Variants in SCN2A observed in about 807,000 individuals in gnomAD.
SCN2A encodes sodium voltage-gated channel alpha subunit 2.
Under a neutral mutation model 188.7 loss-of-function variants are expected in SCN2A, and 20 were observed. The observed-to-expected ratio is 0.11, with a 90% CI of 0.07 to 0.15. The LOEUF (loss-of-function observed/expected upper bound fraction) is 0.15. Among genes scored for constraint, SCN2A ranks in the 10% least tolerant of loss-of-function variants. The pLI is 1.00. For missense variants in SCN2A, 1,278 were observed against 2,445.0 expected (o/e 0.52, Z 10.07); for synonymous variants, 804 against 833.1 (o/e 0.97, Z 0.60).
chr2:165,293,089 C>T (rs1265862895), intron 1 of SCN2A, among the ~76,000 whole-genome samples: 1 of 152,136 alleles, frequency 6.6e-6, no homozygotes, highest in Non-Finnish European at 1.5e-5. Flanking sequence ...GTGGCACAGG[C>T]CATCTCTTTA....
At chr2:165,287,472 C>T (rs886112255) in intron 1 of SCN2A, among the ~76,000 whole-genome samples, 2 of 151,852 alleles carry the variant, frequency 1.3e-5, no homozygotes, top group African/African-American at 4.8e-5. Context: ...TCACCCAATT[C>T]CTGAGAACTT....
At chr2:165,305,549 C>T (rs532683632) in intron 3 of SCN2A, among the ~76,000 whole-genome samples, 70 of 152,200 alleles carry the variant, frequency 4.6e-4, no homozygotes, top group African/African-American at 1.6e-3. Context: ...TCAAAGAATA[C>T]AGAGAAATTG....
intron 1 of SCN2A, among the ~76,000 whole-genome samples, chr2:165,291,491 T>TTTCTTTCTTTCTTTCTTTC (rs1389976633): frequency 2.6e-5 from 1 of 38,834 alleles, no homozygotes; most frequent in African/African-American, 9.1e-5. Flanking sequence ...TCTTTCTTTC[T>TTTCTTTCTTTCTTTCTTTC]TTTCTTTCTT....
At chr2:165,330,377 GT>G (rs1456059006) in intron 13 of SCN2A, among the ~76,000 whole-genome samples, 2 of 152,102 alleles carry the variant, frequency 1.3e-5, no homozygotes, top group Admixed American at 1.3e-4. Context: ...ATGGTAGACA[GT>G]TTTTCACTTC....
chr2:165,307,548 G>A (rs1433427693), intron 3 of SCN2A, among the ~76,000 whole-genome samples: 3 of 152,006 alleles, frequency 2.0e-5, no homozygotes, highest in Admixed American at 6.6e-5. Flanking sequence ...TGAGTCTGTC[G>A]TTAAGAAAAT....
At chr2:165,367,994 G>A (rs1196245207) in intron 19 of SCN2A, among the ~76,000 whole-genome samples, 2 of 152,152 alleles carry the variant, frequency 1.3e-5, no homozygotes, top group Non-Finnish European at 2.9e-5. Context: ...TTCAGTGGAG[G>A]GTCAGAGTGA....
intron 14 of SCN2A, among the ~76,000 whole-genome samples, chr2:165,338,947 G>A (rs193050668): frequency 2.0e-5 from 3 of 152,290 alleles, no homozygotes; most frequent in Admixed American, 6.5e-5. Flanking sequence ...CTAGCCGGGC[G>A]TGGAGGCTCA....
chr2:165,242,742 G>A (rs578002147), intron 1 of SCN2A, among the ~76,000 whole-genome samples: 13 of 152,274 alleles, frequency 8.5e-5, no homozygotes, highest in Admixed American at 7.9e-4. Flanking sequence ...TCAGTAGAGA[G>A]AAAATTGAGG....
Position 165,312,057 on chromosome 2 carries a change from G to T in SCN2A, c.1003G>T (p.Ala335Ser). 6.2e-7 allele frequency: 1 copy of T among 1,612,410 alleles called. No homozygotes were observed. The change falls in exon 8 of 27, where the codon GCT (alanine) becomes TCT (serine). Residue 335 changes from alanine to serine, a missense_variant. Around this residue, in one of 17 missense-constraint regions of SCN2A, gnomAD observed 42 missense variants for 137.3 expected, o/e 0.31. Coordinates refer to ENST00000375437, the MANE Select transcript of SCN2A (RefSeq NM_001040142.2). ...TTATTTTTTAGAGGGGCAAAATGAT[G>T]CTCTGCTTTGTGGCAACAGCTCAGA... is the stretch of plus-strand genomic sequence containing the variant. ...HFYFLEGQND[A>S]LLCGNSSDAG...
At chr2:165,356,363 G>A (rs1373832500) in intron 17 of SCN2A, among the ~76,000 whole-genome samples, 3 of 152,102 alleles carry the variant, frequency 2.0e-5, no homozygotes, top group Non-Finnish European at 4.4e-5. Context: ...ACAAAATTTT[G>A]AACAAGTGTT....
chr2:165,252,615 CA>C (rs145160306), intron 1 of SCN2A, among the ~76,000 whole-genome samples: 22,067 of 150,976 alleles, frequency 0.15, 1,711 homozygotes, highest in South Asian at 0.23. Context: ...GGGATTGTGA[CA>C]AAAAAAAGGT....
At position 165,295,841 on chromosome 2, in the gene SCN2A, G is replaced by A; in HGVS notation, c.18G>A (p.Leu6=). The change falls in exon 2 of 27, where the codon CTG becomes CTA. Residue 6 remains leucine, a synonymous_variant. Transcript: ENST00000375437. ...ATGAAAAGATGGCACAGTCAGTGCT[G>A]GTACCGCCAGGACCTGACAGCTTCC... MAQSV[L]VPPGPDSFRF... is the part of the protein sequence containing the mutation. 6.2e-7 allele frequency: 1 copy of A among 1,614,104 alleles called. No individual in the cohort carries two copies. The highest frequency in any genetic ancestry group is 8.5e-7 in the Non-Finnish European group (1 of 1,180,030).
chr2:165,297,403 C>A (rs1201810157), intron 3 of SCN2A, among the ~76,000 whole-genome samples: 2 of 152,194 alleles, frequency 1.3e-5, no homozygotes, highest in Non-Finnish European at 2.9e-5. Flanking sequence ...ACATCCCAAG[C>A]CTTTCTCATT....
chr2:165,302,779 T>G (rs1451459909), intron 3 of SCN2A, among the ~76,000 whole-genome samples: 1 of 151,892 alleles, frequency 6.6e-6, no homozygotes, highest in Non-Finnish European at 1.5e-5. Context: ...GAGACAGGGG[T>G]GGGTGTGCCA....
At position 165,239,423 on chromosome 2, in the gene SCN2A, T is replaced by G. The variant is rs1488417647; in HGVS notation, c.-269T>G. 1.3e-5 allele frequency: 2 copies of G among 153,146 alleles called. No homozygotes were observed. The highest frequency in any genetic ancestry group is 4.8e-5 in the African/African-American group (2 of 41,466). 9.5% of individuals were successfully genotyped at this position (153,146 alleles called of 1,614,324 possible). ...TAGCATGCTGTTTTCTAACAGACAT[T>G]GGGTACCATCGAATGACTGTCAGAA... On this transcript the variant is annotated 5_prime_UTR_variant, in exon 1 of 27. In the 5' UTR this introduces an upstream ATG that the reference lacks. Transcript: ENST00000375437.
rs1452559806 is a variant in SCN2A, at chr2:165,293,793, A to G, written c.-51-1980A>G. Reference sequence around the variant, plus strand: ...AAGTTTTAATGTTTCGTTCCAAGAAAAGCCTGTGGAAGATCAGTTCCACAA... The same window carrying G: ...AAGTTTTAATGTTTCGTTCCAAGAAGAGCCTGTGGAAGATCAGTTCCACAA... On this transcript the variant is annotated intron_variant, in intron 1 of 26. Coordinates refer to ENST00000375437, the MANE Select transcript of SCN2A (RefSeq NM_001040142.2). 5 of 972,472 alleles carry G rather than the reference A, an allele frequency of 5.1e-6. No homozygotes were observed. In the East Asian group the frequency reaches 4.6e-4, roughly 89 times the overall value. 60.2% of individuals were successfully genotyped at this position (972,472 alleles called of 1,614,324 possible).
At chr2:165,259,744 A>G (rs910325287) in intron 1 of SCN2A, among the ~76,000 whole-genome samples, 1 of 152,114 alleles carries the variant, frequency 6.6e-6, no homozygotes, top group Non-Finnish European at 1.5e-5. Context: ...CTCAAAATCA[A>G]CCATGACGAC....
chr2:165,293,547 G>A (rs904970951), intron 1 of SCN2A, among the ~76,000 whole-genome samples: 7 of 152,108 alleles, frequency 4.6e-5, no homozygotes, highest in African/African-American at 1.4e-4. Flanking sequence ...TCTAAACATA[G>A]ACAAGGTACA....
intron 1 of SCN2A, among the ~76,000 whole-genome samples, chr2:165,278,390 G>A (rs1188585647): frequency 6.6e-6 from 1 of 152,130 alleles, no homozygotes; most frequent in South Asian, 2.1e-4. Context: ...AGGAGGCAAG[G>A]CACCTTTTTC....
Sources: allele counts gnomAD v4.1 joint callset (sites outside exome capture counted in the v4.1 genomes callset), GRCh38; gene constraint gnomAD v4.1.1; regional missense constraint gnomAD v4.1.1; transcripts MANE v1.5; gene names NCBI Gene and HGNC (gene_info 2026-07-23, HGNC 2026-07-21).